The following GRAMD1C variants were observed in gnomAD, a reference collection of about 807,000 sequenced individuals.
The protein encoded by GRAMD1C is protein Aster-C.
Under a neutral mutation model 97.8 loss-of-function variants are expected in GRAMD1C, and 89 were observed. That is an observed-to-expected ratio of 0.91 (90% CI 0.77 to 1.09). The LOEUF is 1.09. GRAMD1C is among the 50% of genes least tolerant of loss of function. The pLI, the probability that GRAMD1C is intolerant of heterozygous loss-of-function variation, is 0.00. For missense variants in GRAMD1C, 740 were observed against 766.4 expected (o/e 0.97, Z 0.41); for synonymous variants, 256 against 267.0 (o/e 0.96, Z 0.40).
At chr3:113,876,036 C>T in intron 4 of GRAMD1C, 129 bp from the exon 5 acceptor site, 2 of 599,930 alleles carry the variant, frequency 3.3e-6, no homozygotes, top group East Asian at 2.8e-5. Flanking sequence ...TTAACTCCTT[C>T]AAGTCGAAAA....
chr3:113,835,916 T>C (rs927121066), upstream of GRAMD1C, among the ~76,000 whole-genome samples: 1 of 152,224 alleles, frequency 6.6e-6, no homozygotes, highest in Non-Finnish European at 1.5e-5. Context: ...AACCTGTCTT[T>C]TACTGATTAT....
chr3:113,933,725 T>C, intron 12 of GRAMD1C, 72 bp downstream of exon 12: 2 of 1,039,382 alleles, frequency 1.9e-6, no homozygotes, highest in Non-Finnish European at 2.9e-6. Context: ...CCTGAATTCT[T>C]AGTAGTAGCT....
chr3:113,857,176 C>CG (rs1934165571), intron 2 of GRAMD1C, among the ~76,000 whole-genome samples: 1 of 151,546 alleles, frequency 6.6e-6, no homozygotes. Context: ...AACAAACAAA[C>CG]AAAAAAATAA....
chr3:113,934,329 T>C, intron 12 of GRAMD1C, 103 bp from the exon 13 acceptor site: 1 of 653,210 alleles, frequency 1.5e-6, no homozygotes, highest in South Asian at 2.0e-5. Context: ...TGACTTTGAA[T>C]CTTTTTGACT....
In GRAMD1C at chr3:113,916,225, C is replaced by G. The variant is rs544845374; in HGVS notation, c.1090+387C>G. Among the ~76,000 whole-genome samples the G allele has an allele frequency of 1.3e-5, 2 of 152,286 alleles. 1 individual carries two copies. The highest frequency in any genetic ancestry group is 4.1e-4 in the South Asian group (2 of 4,822). On this transcript the variant is annotated intron_variant, in intron 10 of 17. Transcript: ENST00000358160. The stretch of plus-strand genomic sequence containing the variant: ...AGTAACTACTAAAGGTATGAATTCT[C>G]TGTGACTCAGCAGTTCCACTCCTAG...
chr3:113,898,349 T>A (rs1054453127), intron 6 of GRAMD1C, among the ~76,000 whole-genome samples: 1 of 152,180 alleles, frequency 6.6e-6, no homozygotes, highest in African/African-American at 2.4e-5. Context: ...CACAAGTATA[T>A]TGAAATATTG....
At chr3:113,914,075 A>G (rs377564277) in intron 9 of GRAMD1C, among the ~76,000 whole-genome samples, 3 of 152,358 alleles carry the variant, frequency 2.0e-5, no homozygotes, top group East Asian at 1.9e-4. Context: ...AAGGAAATGA[A>G]CAAGATCAAC....
intron 8 of GRAMD1C, among the ~76,000 whole-genome samples, chr3:113,906,802 C>T (rs1324735592): frequency 6.6e-6 from 1 of 152,170 alleles, no homozygotes; most frequent in Non-Finnish European, 1.5e-5. Context: ...AAGCTCCATT[C>T]ATGGTATAAA....
At chr3:113,835,534 A>G (rs1021591904), upstream of GRAMD1C, among the ~76,000 whole-genome samples, 2 of 152,224 alleles carry the variant, frequency 1.3e-5, no homozygotes, top group Admixed American at 1.3e-4. Flanking sequence ...GTTTGTGTTC[A>G]GTGATTTTGC....
intron 1 of GRAMD1C, among the ~76,000 whole-genome samples, chr3:113,831,957 G>T (rs1709562689): frequency 6.6e-6 from 1 of 152,068 alleles, no homozygotes; most frequent in African/African-American, 2.4e-5. Context: ...CTGTATATGG[G>T]TCAAACTGTC....
At chr3:113,838,387 C>T (rs1322487076), upstream of GRAMD1C, 5 of 152,460 alleles carry the variant, frequency 3.3e-5, no homozygotes, top group African/African-American at 1.2e-4. Context: ...GCCTGACCCA[C>T]ATGGTGAAAC....
At chr3:113,919,084 A>T in intron 10 of GRAMD1C, 1 of 165,526 alleles carries the variant, frequency 6.0e-6, no homozygotes. Flanking sequence ...TGTGGATTAA[A>T]TCTAATTCCA....
intron 12 of GRAMD1C, among the ~76,000 whole-genome samples, chr3:113,933,970 T>C (rs1010697271): frequency 2.0e-5 from 3 of 152,050 alleles, no homozygotes; most frequent in Non-Finnish European, 4.4e-5. Context: ...GGCTGGGAGT[T>C]TTGGGGGAGT....
At chr3:113,876,299 A>G (rs754475182) in intron 5 of GRAMD1C, 39 bp downstream of exon 5, 1 of 1,091,656 alleles carries the variant, frequency 9.2e-7, no homozygotes, top group Admixed American at 1.8e-5. Context: ...ACATAATGTG[A>G]AGAAAATCTC....
At chr3:113,939,093 C>A (rs1937643231) in intron 15 of GRAMD1C, 2 of 152,048 alleles carry the variant, frequency 1.3e-5, no homozygotes, top group Non-Finnish European at 2.9e-5. Context: ...ATAATAACTT[C>A]AAAGATTGGA....
At chr3:113,864,404 G>A (rs578156196) in intron 2 of GRAMD1C, among the ~76,000 whole-genome samples, 10 of 152,198 alleles carry the variant, frequency 6.6e-5, no homozygotes, top group East Asian at 1.9e-4. Context: ...ATGAGCCACC[G>A]CGCCGGCCTA....
At chr3:113,870,539 A>G (rs945337522) in intron 3 of GRAMD1C, among the ~76,000 whole-genome samples, 1 of 152,312 alleles carries the variant, frequency 6.6e-6, no homozygotes, top group Non-Finnish European at 1.5e-5. Flanking sequence ...GACTATAGTT[A>G]ACAGTAATTT....
At chr3:113,890,422 G>A (rs1484096730) in intron 6 of GRAMD1C, among the ~76,000 whole-genome samples, 2 of 152,220 alleles carry the variant, frequency 1.3e-5, no homozygotes, top group African/African-American at 2.4e-5. Context: ...CTACAAGGGC[G>A]TGGAGCAATG....
chr3:113,848,572 AG>A (rs1933717768), intron 2 of GRAMD1C, among the ~76,000 whole-genome samples: 1 of 152,042 alleles, frequency 6.6e-6, no homozygotes, highest in African/African-American at 2.4e-5. Context: ...TGGGAGGCCA[AG>A]GTGGGAGGAT....
Sources: allele counts gnomAD v4.1 joint callset (sites outside exome capture counted in the v4.1 genomes callset), GRCh38; gene constraint gnomAD v4.1.1; transcripts MANE v1.5; gene names NCBI Gene and HGNC (gene_info 2026-07-23, HGNC 2026-07-21).